Variants in CNTN4 observed in about 807,000 individuals in gnomAD.
The protein encoded by CNTN4 is contactin 4.
Under a neutral mutation model 122.5 loss-of-function variants are expected in CNTN4, and 77 were observed. The observed-to-expected ratio is 0.63, with a 90% confidence interval of 0.52 to 0.76. CNTN4 has a LOEUF of 0.76. Among genes scored for constraint, CNTN4 ranks in the 30% least tolerant of loss-of-function variants. The probability of loss-of-function intolerance (pLI) is 0.00; values close to 1 mark genes in which losing one functional copy is unlikely to be tolerated. For missense variants in CNTN4, 1,256 were observed against 1,259.1 expected, an observed-to-expected ratio of 1.00 and a Z score of 0.04; for synonymous variants, 512 against 447.0, an observed-to-expected ratio of 1.15 and a Z score of -1.83.
At chr3:2,593,056 A>G (rs1168729044) in intron 4 of CNTN4, among the ~76,000 whole-genome samples, 1 of 152,210 alleles carries the variant, frequency 6.6e-6, no homozygotes, top group East Asian at 1.9e-4. Context: ...GAGAATACAT[A>G]ACACCCACTC....
intron 2 of CNTN4, among the ~76,000 whole-genome samples, chr3:2,208,364 G>C (rs906216048): frequency 1.2e-4 from 18 of 152,104 alleles, no homozygotes; most frequent in African/African-American, 4.3e-4. Context: ...AAGAGCAAGA[G>C]AACTGGAATT....
At chr3:2,742,751 A>G (rs2089529030) in intron 5 of CNTN4, among the ~76,000 whole-genome samples, 1 of 152,170 alleles carries the variant, frequency 6.6e-6, no homozygotes, top group South Asian at 2.1e-4. Context: ...ATTGGCTCCA[A>G]ATGAGCATTG....
At chr3:2,346,159 T>G (rs2044391304) in intron 3 of CNTN4, among the ~76,000 whole-genome samples, 1 of 152,166 alleles carries the variant, frequency 6.6e-6, no homozygotes, top group South Asian at 2.1e-4. Flanking sequence ...TTTTCCACCT[T>G]CTTCTAAATT....
intron 3 of CNTN4, among the ~76,000 whole-genome samples, chr3:2,421,251 CT>C (rs34208393): frequency 1.9e-4 from 26 of 136,804 alleles, no homozygotes; most frequent in Non-Finnish European, 2.5e-4. Context: ...CAGGGGGTTT[CT>C]TTTTTTTTTT....
intron 2 of CNTN4, among the ~76,000 whole-genome samples, chr3:2,193,123 C>T (rs926498841): frequency 1.3e-5 from 2 of 152,132 alleles, no homozygotes; most frequent in Non-Finnish European, 2.9e-5. Context: ...TATTCTCCTG[C>T]AACACAAGTT....
intron 6 of CNTN4, among the ~76,000 whole-genome samples, chr3:2,811,186 T>G (rs7648259): frequency 0.42 from 63,717 of 151,352 alleles, 13,999 homozygotes; most frequent in African/African-American, 0.52. Flanking sequence ...GAGGCAGGCG[T>G]ATCACTTGAA....
At chr3:2,423,797 A>G (rs1187181753) in intron 3 of CNTN4, among the ~76,000 whole-genome samples, 1 of 151,934 alleles carries the variant, frequency 6.6e-6, no homozygotes, top group Non-Finnish European at 1.5e-5. Flanking sequence ...TTTACCATAC[A>G]TAAATTCTGT....
intron 7 of CNTN4, among the ~76,000 whole-genome samples, chr3:2,824,068 T>G (rs1365113990): frequency 1.3e-5 from 2 of 151,712 alleles, no homozygotes; most frequent in Non-Finnish European, 2.9e-5. Context: ...CTTGAGAATC[T>G]GGAGGGAAAA....
At chr3:2,461,635 C>T (rs761136773) in intron 3 of CNTN4, among the ~76,000 whole-genome samples, 6 of 152,190 alleles carry the variant, frequency 3.9e-5, no homozygotes, top group Non-Finnish European at 5.9e-5. Flanking sequence ...GAAGCCCAGG[C>T]TCTTAAGTGA....
chr3:2,898,931 G>A (rs938041800), intron 10 of CNTN4, among the ~76,000 whole-genome samples: 3 of 152,150 alleles, frequency 2.0e-5, no homozygotes, highest in Non-Finnish European at 4.4e-5. Context: ...ATTAGCAGCA[G>A]GAAGATAAAG....
At chr3:2,931,087 T>A (rs2094516367) in intron 13 of CNTN4, among the ~76,000 whole-genome samples, 1 of 152,100 alleles carries the variant, frequency 6.6e-6, no homozygotes, top group South Asian at 2.1e-4. Flanking sequence ...ACAGAAAAAT[T>A]ACTGTGCCTG....
chr3:2,742,541 A>G (rs1221957636), intron 5 of CNTN4, among the ~76,000 whole-genome samples: 5 of 151,804 alleles, frequency 3.3e-5, no homozygotes, highest in Non-Finnish European at 5.9e-5. Flanking sequence ...ATCAACAAAG[A>G]AAGAGGATTT....
chr3:2,966,795 A>G (rs1442495164), intron 13 of CNTN4, among the ~76,000 whole-genome samples: 1 of 152,198 alleles, frequency 6.6e-6, no homozygotes, highest in Non-Finnish European at 1.5e-5. Context: ...TTAATGAAGA[A>G]AGAATAAATA....
chr3:2,497,232 T>C (rs956956600), intron 3 of CNTN4, among the ~76,000 whole-genome samples: 3 of 152,190 alleles, frequency 2.0e-5, no homozygotes, highest in African/African-American at 7.2e-5. Flanking sequence ...TTTTAAGTGA[T>C]GTCATCATTT....
At chr3:2,109,935 C>T (rs1372840091) in intron 2 of CNTN4, among the ~76,000 whole-genome samples, 4 of 152,154 alleles carry the variant, frequency 2.6e-5, no homozygotes, top group Admixed American at 2.0e-4. Flanking sequence ...ATATCTAATT[C>T]TTAGTAAAAA....
intron 13 of CNTN4, among the ~76,000 whole-genome samples, chr3:2,958,714 G>A (rs1244350957): frequency 6.6e-6 from 1 of 152,192 alleles, no homozygotes; most frequent in Admixed American, 6.5e-5. Context: ...GCAGGAAGCA[G>A]AGACAGCTTC....
At chr3:2,491,975 T>G (rs77085795) in intron 3 of CNTN4, among the ~76,000 whole-genome samples, 1 of 150,462 alleles carries the variant, frequency 6.6e-6, no homozygotes, top group Non-Finnish European at 1.5e-5. Context: ...TAAGTCTTTG[T>G]TTTTTTTTAG....
chr3:3,006,150 AC>A (rs1696618475), intron 14 of CNTN4, among the ~76,000 whole-genome samples: 1 of 152,098 alleles, frequency 6.6e-6, no homozygotes, highest in African/African-American at 2.4e-5. Flanking sequence ...TGCTGGGATT[AC>A]AGGCATGAGC....
At chr3:2,863,856 G>C (rs1288602478) in intron 7 of CNTN4, among the ~76,000 whole-genome samples, 1 of 152,152 alleles carries the variant, frequency 6.6e-6, no homozygotes, top group Non-Finnish European at 1.5e-5. Flanking sequence ...AAAGTAATTT[G>C]ATCATGTAAC....
Sources: gnomAD v4.1 joint callset for allele counts (sites outside exome capture counted in the v4.1 genomes callset) on GRCh38, gnomAD v4.1.1 for gene constraint, MANE v1.5 for transcripts, NCBI Gene and HGNC (gene_info 2026-07-23, HGNC 2026-07-21) for gene names.